Variants in PTPRG observed in about 807,000 individuals in gnomAD.
PTPRG encodes the protein receptor-type tyrosine-protein phosphatase gamma.
PTPRG carries 102 observed loss-of-function variants against 165.3 expected under a neutral mutation model. The observed-to-expected ratio is 0.62, with a 90% confidence interval of 0.53 to 0.73. The LOEUF (loss-of-function observed/expected upper bound fraction) is 0.73, where lower values mean the gene tolerates loss of function less well. Among genes scored for constraint, PTPRG ranks in the 30% least tolerant of loss-of-function variants. The probability of loss-of-function intolerance (pLI) is 0.00; values close to 1 mark genes in which losing one functional copy is unlikely to be tolerated. For missense variants in PTPRG, 1,866 were observed against 1,861.4 expected (o/e 1.00, Z -0.05); for synonymous variants, 675 against 669.5 (o/e 1.01, Z -0.13).
At chr3:61,571,523 T>C (rs1013113433) in intron 1 of PTPRG, among the ~76,000 whole-genome samples, 1 of 152,164 alleles carries the variant, frequency 6.6e-6, no homozygotes, top group Non-Finnish European at 1.5e-5. Flanking sequence ...GTAATGCAAT[T>C]AGTATAGGAT....
chr3:61,692,925 A>G (rs1362052767), intron 1 of PTPRG, among the ~76,000 whole-genome samples: 2 of 152,160 alleles, frequency 1.3e-5, no homozygotes, highest in South Asian at 2.1e-4. Context: ...ACTTCTGTAC[A>G]TGCACCTATT....
intron 4 of PTPRG, among the ~76,000 whole-genome samples, chr3:62,048,506 A>G (rs1700367540): frequency 6.6e-6 from 1 of 152,246 alleles, no homozygotes; most frequent in Admixed American, 6.5e-5. Context: ...CGCTATGTGT[A>G]CCTTTACCTC....
Position 62,269,059 on chromosome 3 carries a change from A to G in PTPRG, c.2899A>G (p.Thr967Ala), listed in dbSNP as rs1354596223. ...GRRKCDQYWP[T>A]ENSEEYGNII... ...GCGAAAATGTGATCAGTATTGGCCA[A>G]CAGAGAACAGTGAGGAATATGGAAA... Residue 967 changes from threonine (T) to alanine (A), a missense_variant, in exon 20 of 30, where the codon ACA (threonine) becomes GCA (alanine). Coordinates refer to ENST00000474889, the MANE Select transcript of PTPRG (RefSeq NM_002841.4). 6.2e-7 allele frequency: 1 copy of G among 1,601,534 alleles called. No homozygotes were observed. The highest frequency in any genetic ancestry group is 1.7e-5 in the Admixed American group (1 of 59,822).
chr3:61,918,862 T>A (rs2039006864), intron 2 of PTPRG, among the ~76,000 whole-genome samples: 1 of 152,218 alleles, frequency 6.6e-6, no homozygotes, highest in Non-Finnish European at 1.5e-5. Context: ...TTGATTTGTT[T>A]TACACTGTGA....
chr3:61,988,614 T>G (rs889953670), intron 2 of PTPRG, among the ~76,000 whole-genome samples: 17 of 152,322 alleles, frequency 1.1e-4, no homozygotes, highest in African/African-American at 4.1e-4. Flanking sequence ...TATACACACA[T>G]TAAGCTTTCT....
intron 4 of PTPRG, among the ~76,000 whole-genome samples, chr3:62,012,597 T>C (rs1267227001): frequency 6.6e-6 from 1 of 152,220 alleles, no homozygotes; most frequent in Non-Finnish European, 1.5e-5. Context: ...AGGTAATTTT[T>C]TATAAGTTTT....
chr3:61,611,941 G>A (rs954408578), intron 1 of PTPRG, among the ~76,000 whole-genome samples: 1 of 152,088 alleles, frequency 6.6e-6, no homozygotes, highest in Non-Finnish European at 1.5e-5. Context: ...CCTGCTGTAA[G>A]GGTTTTTTGT....
intron 10 of PTPRG, among the ~76,000 whole-genome samples, chr3:62,198,696 G>C (rs950441724): frequency 2.0e-5 from 3 of 152,206 alleles, no homozygotes; most frequent in African/African-American, 4.8e-5. Context: ...GGTATTAAAT[G>C]ACAAGTGGTT....
chr3:62,064,577 G>A (rs998548085), intron 4 of PTPRG, among the ~76,000 whole-genome samples: 3 of 151,872 alleles, frequency 2.0e-5, no homozygotes, highest in Non-Finnish European at 2.9e-5. Flanking sequence ...TCGATGGTGG[G>A]GCATAGATAC....
At chr3:62,189,182 T>C (rs542335342) in intron 8 of PTPRG, among the ~76,000 whole-genome samples, 1 of 152,200 alleles carries the variant, frequency 6.6e-6, no homozygotes, top group African/African-American at 2.4e-5. Flanking sequence ...CCCACTAATT[T>C]ATCCCTTCCT....
intron 2 of PTPRG, among the ~76,000 whole-genome samples, chr3:61,775,368 G>T (rs560815853): frequency 6.6e-6 from 1 of 152,032 alleles, no homozygotes; most frequent in East Asian, 1.9e-4. Context: ...ACTGCACCAG[G>T]CCCCTTAAAT....
chr3:62,033,032 A>G (rs768859827), intron 4 of PTPRG, among the ~76,000 whole-genome samples: 7 of 152,142 alleles, frequency 4.6e-5, no homozygotes, highest in Non-Finnish European at 8.8e-5. Flanking sequence ...TGGATGTTCA[A>G]TTTGCCTGTG....
intron 1 of PTPRG, among the ~76,000 whole-genome samples, chr3:61,737,189 CCT>C (rs925574129): frequency 1.3e-5 from 2 of 151,836 alleles, no homozygotes; most frequent in East Asian, 3.9e-4. Context: ...TTCCCTGCCT[CCT>C]CTCTCTCTCT....
intron 6 of PTPRG, among the ~76,000 whole-genome samples, chr3:62,142,173 C>T (rs950314276): frequency 2.6e-5 from 4 of 151,500 alleles, no homozygotes; most frequent in South Asian, 2.1e-4. Flanking sequence ...AGTCTTTTTA[C>T]GTCTTAGCAA....
At chr3:62,056,163 C>T (rs1310264027) in intron 4 of PTPRG, among the ~76,000 whole-genome samples, 2 of 152,194 alleles carry the variant, frequency 1.3e-5, no homozygotes, top group Admixed American at 1.3e-4. Flanking sequence ...AGGATATGAA[C>T]ATCCCATCCA....
At chr3:61,639,994 A>G (rs1702019080) in intron 1 of PTPRG, among the ~76,000 whole-genome samples, 1 of 152,184 alleles carries the variant, frequency 6.6e-6, no homozygotes, top group Non-Finnish European at 1.5e-5. Flanking sequence ...TTTTCATTCA[A>G]TAAAAACTCA....
intron 2 of PTPRG, among the ~76,000 whole-genome samples, chr3:61,783,761 C>T (rs1168331740): frequency 6.6e-6 from 1 of 152,092 alleles, no homozygotes; most frequent in East Asian, 1.9e-4. Context: ...AGGTCCTAAG[C>T]CCTGGAAGGA....
intron 2 of PTPRG, among the ~76,000 whole-genome samples, chr3:61,844,986 T>C (rs652132): frequency 0.17 from 26,117 of 152,226 alleles, 2,311 homozygotes; most frequent in African/African-American, 0.22. Context: ...ATTTGTTGTT[T>C]CTAATCTTAT....
In PTPRG at chr3:62,201,546, A is replaced by G; in HGVS notation, c.1369A>G (p.Thr457Ala). 6.2e-7 allele frequency: 1 copy of G among 1,611,266 alleles called. No individual in the cohort carries two copies. Among genetic ancestry groups the G allele is most frequent in the African/African-American group, 1.3e-5 (1 of 75,048 alleles). The change falls in exon 11 of 30, where the codon ACA becomes GCA. Residue 457 changes from threonine (T) to alanine (A), a missense_variant. By Grantham distance (58) the Thr-to-Ala change is moderately conservative (BLOSUM62 0). Transcript: ENST00000474889. The stretch of plus-strand genomic sequence containing the variant: ...ATTCCAAGGGACCAGAATAGTGAAA[A>G]CAGGAGTGGTAAGTAGAGAATGGGA... ...RIFQGTRIVK[T>A]GVPTASPASS...
Sources: allele counts gnomAD v4.1 joint callset (sites outside exome capture counted in the v4.1 genomes callset), GRCh38; gene constraint gnomAD v4.1.1; transcripts MANE v1.5; gene names NCBI Gene and HGNC (gene_info 2026-07-23, HGNC 2026-07-21).